The following P3H2 variants were observed in gnomAD, a reference collection of about 807,000 sequenced individuals.
P3H2 encodes the protein prolyl 3-hydroxylase 2, also known as leprecan-like 1.
P3H2 carries 80 observed loss-of-function variants against 87.0 expected under a neutral mutation model. The ratio of observed to expected loss-of-function variants is 0.92; its 90% confidence interval spans 0.77 to 1.11. The LOEUF (loss-of-function observed/expected upper bound fraction) is 1.11, where lower values mean the gene tolerates loss of function less well. P3H2 is among the 50% of genes least tolerant of loss of function. The probability of loss-of-function intolerance (pLI) is 0.00; values close to 1 mark genes in which losing one functional copy is unlikely to be tolerated. For missense variants in P3H2, 1,001 were observed against 923.9 expected, an observed-to-expected ratio of 1.08 and a Z score of -1.08; for synonymous variants, 367 against 359.3, an observed-to-expected ratio of 1.02 and a Z score of -0.24.
At chr3:189,989,082 G>C in intron 3 of P3H2, 44 bp from the exon 4 acceptor site, 1 of 1,612,498 alleles carries the variant, frequency 6.2e-7, no homozygotes, top group South Asian at 1.1e-5. Context: ...AGGTTGCTGA[G>C]TGCCCAAACG....
In P3H2 at chr3:190,043,155, G is replaced by A. The variant is rs574234030; in HGVS notation, c.481-47713C>T. Among the ~76,000 whole-genome samples the A allele has an allele frequency of 2.3e-3, 344 of 152,080 alleles. 2 individuals are homozygous for A. The highest frequency in any genetic ancestry group is 7.8e-3 in the African/African-American group (324 of 41,464). ...CACAAAATAATAGAAGCGTCTGTGTGTGTGTTCATGTGCACATGCTCAGAT... is the reference window on the plus strand; with the variant it reads ...CACAAAATAATAGAAGCGTCTGTGTATGTGTTCATGTGCACATGCTCAGAT... On this transcript the variant is annotated intron_variant, in intron 1 of 14. Transcript: ENST00000319332.
chr3:190,045,968 C>G (rs956788130), intron 1 of P3H2, among the ~76,000 whole-genome samples: 1 of 151,924 alleles, frequency 6.6e-6, no homozygotes, highest in Non-Finnish European at 1.5e-5. Flanking sequence ...AATAAAAATA[C>G]AAAAATTAGC....
chr3:189,974,683 C>G lies in P3H2; in HGVS notation c.1327G>C (p.Gly443Arg). 3.1e-6 allele frequency: 5 copies of G among 1,614,186 alleles called. No homozygotes were observed. Among genetic ancestry groups the G allele is most frequent in the Non-Finnish European group, 4.2e-6 (5 of 1,180,036 alleles). Residue 443 changes from glycine (G) to arginine (R), a missense_variant and splice_region_variant, in exon 9 of 15, where the codon GGT becomes CGT. Gly to Arg is a moderately radical substitution (Grantham distance 125, BLOSUM62 -2). Transcript: ENST00000319332. ...PKIDRDLREG[G>R]PLLYENITFV... ...GTGATGTTCTCATAGAGTAGAGGACCACCTACAGGAACAGAGCACATTGTC... is the reference window on the plus strand; with the variant it reads ...GTGATGTTCTCATAGAGTAGAGGACGACCTACAGGAACAGAGCACATTGTC...
intron 1 of P3H2, among the ~76,000 whole-genome samples, chr3:190,053,450 GT>G (rs1282152069): frequency 0.038 from 4,936 of 128,712 alleles, 58 homozygotes; most frequent in Non-Finnish European, 0.054. Flanking sequence ...AAATAAAGTG[GT>G]TTTTTTTTTT....
At chr3:189,982,102 A>G (rs1184344754) in intron 8 of P3H2, among the ~76,000 whole-genome samples, 1 of 151,928 alleles carries the variant, frequency 6.6e-6, no homozygotes. Context: ...TCTTTCATCA[A>G]TAGGTGATAT....
intron 1 of P3H2, among the ~76,000 whole-genome samples, chr3:190,067,686 T>G (rs1726556716): frequency 6.6e-6 from 1 of 152,208 alleles, no homozygotes; most frequent in Non-Finnish European, 1.5e-5. Flanking sequence ...CTTTTGATTC[T>G]TCTTCTCCTC....
intron 1 of P3H2, among the ~76,000 whole-genome samples, chr3:190,080,434 G>GT (rs2108978928): frequency 6.6e-6 from 1 of 152,104 alleles, no homozygotes; most frequent in South Asian, 2.1e-4. Context: ...TTTTGCTCTT[G>GT]TTGGCCAGGC....
At chr3:189,960,542 C>A (rs1406561034) in intron 14 of P3H2, among the ~76,000 whole-genome samples, 1 of 152,086 alleles carries the variant, frequency 6.6e-6, no homozygotes, top group Non-Finnish European at 1.5e-5. Flanking sequence ...TTTTCAAATG[C>A]CATCTCCTCA....
intron 1 of P3H2, among the ~76,000 whole-genome samples, chr3:190,067,841 C>T (rs1470836728): frequency 6.6e-6 from 1 of 151,946 alleles, no homozygotes; most frequent in Non-Finnish European, 1.5e-5. Context: ...TCATTATTTA[C>T]ATAATACATG....
intron 1 of P3H2, among the ~76,000 whole-genome samples, chr3:190,109,544 G>A (rs1711985003): frequency 6.6e-6 from 1 of 152,182 alleles, no homozygotes; most frequent in Admixed American, 6.5e-5. Context: ...ACTAAGATGT[G>A]TTAGTTTGTA....
intron 11 of P3H2, among the ~76,000 whole-genome samples, chr3:189,972,380 T>TAA: frequency 6.6e-6 from 1 of 152,328 alleles, no homozygotes; most frequent in African/African-American, 2.4e-5. Flanking sequence ...TTCCCAAGTG[T>TAA]AAAAGTCTAC....
rs895381481 is a variant in P3H2, at chr3:189,969,665, G to A, written c.1893+1151C>T. The A allele has an allele frequency of 2.5e-6, 3 of 1,222,442 alleles. No individual in the cohort carries two copies. In the Admixed American group the frequency reaches 5.0e-5, roughly 21 times the overall value. 75.7% of individuals were successfully genotyped at this position (1,222,442 alleles called of 1,614,324 possible). On this transcript the variant is annotated intron_variant, in intron 13 of 14. Coordinates refer to ENST00000319332, the MANE Select transcript of P3H2 (RefSeq NM_018192.4). ...GTAGTTGACCTTGGAAGCCAGGATG[G>A]TGTGCTGCCTCCCATGCCTTGCAAG...
chr3:190,078,506 C>G (rs1726939916), intron 1 of P3H2, among the ~76,000 whole-genome samples: 1 of 152,168 alleles, frequency 6.6e-6, no homozygotes, highest in Admixed American at 6.5e-5. Flanking sequence ...AACCATCACT[C>G]ATTACCACCT....
chr3:189,978,237 T>C (rs1288347086), intron 8 of P3H2, among the ~76,000 whole-genome samples: 2 of 152,220 alleles, frequency 1.3e-5, no homozygotes, highest in Non-Finnish European at 2.9e-5. Flanking sequence ...ACATTGAAGA[T>C]GTATTATTTT....
chr3:190,102,104 ACTG>A (rs1012087965), intron 1 of P3H2, among the ~76,000 whole-genome samples: 5 of 152,230 alleles, frequency 3.3e-5, no homozygotes, highest in Non-Finnish European at 5.9e-5. Context: ...TCAAAATATT[ACTG>A]CTAATTGACA....
intron 1 of P3H2, among the ~76,000 whole-genome samples, chr3:190,046,438 A>G (rs1047583318): frequency 1.3e-5 from 2 of 152,194 alleles, no homozygotes; most frequent in Admixed American, 6.5e-5. Context: ...CTACTCAGGT[A>G]TAATGCTGCC....
intron 1 of P3H2, among the ~76,000 whole-genome samples, chr3:190,110,092 A>G (rs1282275805): frequency 1.3e-5 from 2 of 151,972 alleles, no homozygotes; most frequent in Non-Finnish European, 2.9e-5. Flanking sequence ...CAGGTGATCC[A>G]CGCTCCTCAG....
chr3:189,980,298 C>T (rs936071805), intron 8 of P3H2, among the ~76,000 whole-genome samples: 3 of 152,166 alleles, frequency 2.0e-5, no homozygotes, highest in African/African-American at 7.2e-5. Flanking sequence ...GGCGTGGTGG[C>T]TCATGCCTGT....
chr3:189,963,792 A>G lies in P3H2; in HGVS notation c.2034+166T>C, dbSNP rs919851542. The stretch of plus-strand genomic sequence containing the variant: ...GACAGATTAGTGACTATCAAATATC[A>G]TTGACACAGCTATTTCTACAAACAT... On this transcript the variant is annotated intron_variant, in intron 14 of 14. Coordinates refer to ENST00000319332, the MANE Select transcript of P3H2 (RefSeq NM_018192.4). 9.5e-6 allele frequency: 7 copies of G among 733,232 alleles called. No homozygotes were observed. In the African/African-American group the frequency reaches 1.2e-4, roughly 13 times the overall value. 45.4% of individuals were successfully genotyped at this position (733,232 alleles called of 1,614,324 possible).
Sources: allele counts gnomAD v4.1 joint callset (sites outside exome capture counted in the v4.1 genomes callset), GRCh38; gene constraint gnomAD v4.1.1; transcripts MANE v1.5; gene names NCBI Gene and HGNC (gene_info 2026-07-23, HGNC 2026-07-21).